The following CSGALNACT1 variants were observed in gnomAD, a reference collection of about 807,000 sequenced individuals.
CSGALNACT1 encodes chondroitin sulfate N-acetylgalactosaminyltransferase 1, also known as beta4GalNAcT-1.
CSGALNACT1 carries 52 observed loss-of-function variants against 51.0 expected under a neutral mutation model. That is an observed-to-expected ratio of 1.02 (90% confidence interval 0.82 to 1.29). The LOEUF (loss-of-function observed/expected upper bound fraction) is 1.29. CSGALNACT1 is among the 50% of genes most tolerant of loss of function. The probability of loss-of-function intolerance (pLI) is 0.00; values close to 1 mark genes in which losing one functional copy is unlikely to be tolerated. For synonymous variants in CSGALNACT1, 341 were observed against 254.4 expected, an observed-to-expected ratio of 1.34 and a Z score of -3.24; for missense variants, 935 against 679.2, an observed-to-expected ratio of 1.38 and a Z score of -4.19.
At chr8:19,612,963 A>G (rs1370558952) in intron 1 of CSGALNACT1, among the ~76,000 whole-genome samples, 13 of 141,848 alleles carry the variant, frequency 9.2e-5, no homozygotes, top group African/African-American at 3.6e-4. Context: ...AAAAAAAAAA[A>G]AAAAAAAAAA....
Position 19,672,161 on chromosome 8 carries a change from C to G in CSGALNACT1, c.-544+10312G>C, listed in dbSNP as rs186347280. Among the ~76,000 whole-genome samples, 406 of 152,256 alleles carry G rather than the reference C, an allele frequency of 2.7e-3. 1 individual carries two copies. Among genetic ancestry groups the G allele is most frequent in the Non-Finnish European group, 3.9e-3 (267 of 68,012 alleles). On this transcript the variant is annotated intron_variant, in intron 1 of 9. Coordinates refer to the CSGALNACT1 transcript ENST00000332246. The stretch of plus-strand genomic sequence containing the variant: ...GTCTCCCTCTCTTTCTGTCAAGGTT[C>G]CTGCCTCCCACACATGGCAATTTTT...
intron 5 of CSGALNACT1, 42 bp from the exon 5 acceptor site, chr8:19,439,973 A>G (rs765882773): frequency 6.7e-7 from 1 of 1,483,128 alleles, no homozygotes; most frequent in Non-Finnish European, 9.4e-7. Context: ...CTGTTTTCAC[A>G]CTGACAGGCA....
chr8:19,676,664 C>G (rs1445721700), intron 1 of CSGALNACT1, among the ~76,000 whole-genome samples: 5 of 151,892 alleles, frequency 3.3e-5, no homozygotes, highest in Admixed American at 2.6e-4. Flanking sequence ...TTTGCAGAAA[C>G]AGTCATGGAA....
At chr8:19,420,670 A>G in intron 6 of CSGALNACT1, 152 bp from the exon 6 acceptor site, 1 of 801,022 alleles carries the variant, frequency 1.2e-6, no homozygotes, top group Non-Finnish European at 2.2e-6. Context: ...AGAACGGCCC[A>G]GACTCACAGG....
chr8:19,406,597 CATA>C lies in CSGALNACT1; in HGVS notation c.1310-531_1310-529del, dbSNP rs553718185. 1.3e-3 allele frequency among the ~76,000 whole-genome samples: 144 copies of C among 108,100 alleles called. 1 individual carries two copies. Among genetic ancestry groups the C allele is most frequent in the African/African-American group, 4.9e-3 (130 of 26,722 alleles). The allele number at this position is 108,100 out of a possible 152,430, so 70.9% of individuals were successfully genotyped here. ...ATCACATGTACCCCATAAACATGCGCATAATAATTAAAAATAGAGGTTTCGTAA... is the reference window on the plus strand; with the variant it reads ...ATCACATGTACCCCATAAACATGCGCATAATTAAAAATAGAGGTTTCGTAA... On this transcript the variant is annotated intron_variant, in intron 9 of 9. Coordinates refer to ENST00000454498, the Ensembl canonical transcript of CSGALNACT1.
intron 5 of CSGALNACT1, among the ~76,000 whole-genome samples, chr8:19,451,430 T>C (rs1047409414): frequency 6.6e-6 from 1 of 152,206 alleles, no homozygotes; most frequent in African/African-American, 2.4e-5. Context: ...CAAATACTTT[T>C]TGAGAGTAGG....
intron 4 of CSGALNACT1, among the ~76,000 whole-genome samples, chr8:19,472,255 G>A (rs974671578): frequency 6.6e-6 from 1 of 152,184 alleles, no homozygotes; most frequent in Non-Finnish European, 1.5e-5. Context: ...AAACACATTC[G>A]AATGTATATC....
At chr8:19,614,270 G>C (rs747756783) in intron 1 of CSGALNACT1, among the ~76,000 whole-genome samples, 1 of 152,110 alleles carries the variant, frequency 6.6e-6, no homozygotes, top group Non-Finnish European at 1.5e-5. Context: ...CAAAAACTGA[G>C]ACTCGAAAGG....
intron 4 of CSGALNACT1, among the ~76,000 whole-genome samples, chr8:19,501,447 C>A (rs978512409): frequency 6.6e-6 from 1 of 152,086 alleles, no homozygotes; most frequent in African/African-American, 2.4e-5. Context: ...AACCACAGCA[C>A]CCTCAAAGCC....
chr8:19,602,641 C>G (rs1356253386), upstream of CSGALNACT1: 1 of 152,298 alleles, frequency 6.6e-6, no homozygotes, highest in Non-Finnish European at 1.5e-5. Context: ...GCCCCCAGAC[C>G]TGCCCTGCCC....
intron 3 of CSGALNACT1, among the ~76,000 whole-genome samples, chr8:19,540,661 C>T (rs73212602): frequency 0.13 from 19,266 of 152,166 alleles, 1,427 homozygotes; most frequent in Non-Finnish European, 0.17. Flanking sequence ...AACTCTCAGC[C>T]CTTACGTCCT....
intron 3 of CSGALNACT1, among the ~76,000 whole-genome samples, chr8:19,557,728 T>C (rs995678288): frequency 6.6e-6 from 1 of 152,196 alleles, no homozygotes; most frequent in Admixed American, 6.5e-5. Flanking sequence ...TTCCTTGCTT[T>C]ATTTTTCTTC....
chr8:19,430,358 G>C (rs535302356), intron 6 of CSGALNACT1, among the ~76,000 whole-genome samples: 1 of 152,090 alleles, frequency 6.6e-6, no homozygotes, highest in Non-Finnish European at 1.5e-5. Context: ...GATCCATTTT[G>C]ACTTCAAGTT....
intron 3 of CSGALNACT1, among the ~76,000 whole-genome samples, chr8:19,578,094 C>T (rs917442933): frequency 3.3e-5 from 5 of 152,198 alleles, no homozygotes; most frequent in African/African-American, 9.6e-5. Context: ...CTGCAACCTT[C>T]GTGGTCCAGG....
rs756093499 is a variant in CSGALNACT1, at chr8:19,405,813, T to G, written c.1566A>C (p.Lys522Asn). The G allele has an allele frequency of 1.9e-6, 3 of 1,614,218 alleles. No individual in the cohort carries two copies. In the Admixed American group the frequency reaches 5.0e-5, roughly 27 times the overall value. Reference sequence around the variant, plus strand: ...TTTTGCTACTTGTCTTCTGTTTCTGTTTGCGAAGGTGAGCCTCTATCTCGT... The same window carrying G: ...TTTTGCTACTTGTCTTCTGTTTCTGGTTGCGAAGGTGAGCCTCTATCTCGT... The change falls in exon 10 of 10, where the codon AAA (lysine) becomes AAC (asparagine). Residue 522 changes from lysine (K) to asparagine (N), a missense_variant. Physicochemically the swap from Lys to Asn is moderately conservative, Grantham distance 94. Coordinates refer to ENST00000454498, the Ensembl canonical transcript of CSGALNACT1.
At chr8:19,653,335 C>T (rs1225719919) in intron 1 of CSGALNACT1, among the ~76,000 whole-genome samples, 13 of 152,178 alleles carry the variant, frequency 8.5e-5, no homozygotes, top group Admixed American at 8.5e-4. Context: ...CCTCCCCTCT[C>T]TGGATTTCAG....
chr8:19,577,558 C>CA (rs11325332), intron 3 of CSGALNACT1, among the ~76,000 whole-genome samples: 30 of 147,480 alleles, frequency 2.0e-4, no homozygotes, highest in South Asian at 6.4e-4. Flanking sequence ...GACCCTATCT[C>CA]AAAAAAAAAA....
At chr8:19,720,746 T>C (rs947824477) in intron 1 of CSGALNACT1, among the ~76,000 whole-genome samples, 1 of 152,162 alleles carries the variant, frequency 6.6e-6, no homozygotes, top group African/African-American at 2.4e-5. Context: ...CCTCCATCGC[T>C]CTCTGGATGA....
chr8:19,491,562 A>G (rs2153964099), intron 4 of CSGALNACT1, among the ~76,000 whole-genome samples: 1 of 152,326 alleles, frequency 6.6e-6, no homozygotes, highest in South Asian at 2.1e-4. Context: ...TTTGTTTTAA[A>G]CTTTATTAGG....
Sources: allele counts gnomAD v4.1 joint callset (sites outside exome capture counted in the v4.1 genomes callset), GRCh38; gene constraint gnomAD v4.1.1; transcripts MANE v1.5; gene names NCBI Gene and HGNC (gene_info 2026-07-23, HGNC 2026-07-21).